Variants in FAM241A observed in about 807,000 individuals in gnomAD.
FAM241A encodes uncharacterized protein FAM241A.
FAM241A carries 7 observed loss-of-function variants against 12.2 expected under a neutral mutation model. The observed-to-expected ratio is 0.58, with a 90% CI of 0.33 to 1.08. The LOEUF is 1.08. Among genes scored for constraint, FAM241A ranks in the 50% least tolerant of loss-of-function variants. The pLI is 0.04. For missense variants in FAM241A, 161 were observed against 169.7 expected (o/e 0.95, Z 0.29); for synonymous variants, 74 against 68.2 (o/e 1.08, Z -0.42).
chr4:112,159,737 T>TA (rs1723422588), intron 1 of FAM241A, among the ~76,000 whole-genome samples: 1 of 152,082 alleles, frequency 6.6e-6, no homozygotes, highest in Non-Finnish European at 1.5e-5. Context: ...CCTTCATGAT[T>TA]AAAAAACACT....
In FAM241A at chr4:112,192,716, T is replaced by G. The variant is rs1449377291; in HGVS notation, c.*5778T>G. 5 of 151,148 alleles carry G rather than the reference T, an allele frequency of 3.3e-5. No homozygotes were observed. Among genetic ancestry groups the G allele is most frequent in the African/African-American group, 1.2e-4 (5 of 41,040 alleles). 9.4% of individuals were successfully genotyped at this position (151,148 alleles called of 1,614,324 possible). A position where few individuals can be genotyped will look rare whatever the true frequency, so the allele number is the denominator to read the frequency against. ...GCTGCATAGTATTCCATGGTGTATA[T>G]GTGCCACATTTTCTTAATCCAGTCT... On this transcript the variant is annotated 3_prime_UTR_variant, in exon 2 of 2. Coordinates refer to ENST00000309733, the MANE Select transcript of FAM241A (RefSeq NM_152400.3).
intron 1 of FAM241A, among the ~76,000 whole-genome samples, chr4:112,173,667 T>C (rs1001481392): frequency 1.3e-5 from 2 of 152,212 alleles, no homozygotes; most frequent in African/African-American, 2.4e-5. Context: ...GTCAAACTTT[T>C]ATACTGAGAG....
chr4:112,151,812 G>A (rs1723249867), intron 1 of FAM241A, among the ~76,000 whole-genome samples: 1 of 152,198 alleles, frequency 6.6e-6, no homozygotes, highest in Non-Finnish European at 1.5e-5. Flanking sequence ...GCTAACTCAT[G>A]CTAGAGCAGA....
Position 112,188,196 on chromosome 4 carries a change from AAG to A in FAM241A, c.*1259_*1260del, listed in dbSNP as rs1214444787. 2.0e-5 allele frequency: 3 copies of A among 152,164 alleles called. No individual in the cohort carries two copies. Among genetic ancestry groups the A allele is most frequent in the Non-Finnish European group, 2.9e-5 (2 of 67,976 alleles). The allele number at this position is 152,164 out of a possible 1,614,324, so 9.4% of individuals were successfully genotyped here. On this transcript the variant is annotated 3_prime_UTR_variant, in exon 2 of 2. Coordinates refer to ENST00000309733, the MANE Select transcript of FAM241A (RefSeq NM_152400.3). ...CTTTCATCTCAAAGATTATAAAGGA[AAG>A]GGGGGTAGTTAAGATTTAGAATTCA...
At chr4:112,163,683 A>G (rs1723530691) in intron 1 of FAM241A, among the ~76,000 whole-genome samples, 1 of 152,240 alleles carries the variant, frequency 6.6e-6, no homozygotes, top group South Asian at 2.1e-4. Flanking sequence ...GAGGATGTGG[A>G]AAAATAGGAA....
chr4:112,151,848 A>G lies in FAM241A; in HGVS notation c.153+6115A>G, dbSNP rs144183104. On this transcript the variant is annotated intron_variant, in intron 1 of 1. Coordinates refer to ENST00000309733, the MANE Select transcript of FAM241A (RefSeq NM_152400.3). ...CTAGAACCCAGGTTTCCGAACACCAAAGCTAGTGTTTTTTGTTTGTTTGTT... is the reference window on the plus strand; with the variant it reads ...CTAGAACCCAGGTTTCCGAACACCAGAGCTAGTGTTTTTTGTTTGTTTGTT... Among the ~76,000 whole-genome samples the G allele has an allele frequency of 3.6e-3, 544 of 152,310 alleles. 3 individuals are homozygous for G. Among genetic ancestry groups the G allele is most frequent in the African/African-American group, 0.012 (489 of 41,570 alleles).
At chr4:112,153,570 T>G (rs1368950923) in intron 1 of FAM241A, among the ~76,000 whole-genome samples, 3 of 152,192 alleles carry the variant, frequency 2.0e-5, no homozygotes, top group African/African-American at 7.2e-5. Flanking sequence ...TGTAGCTTCT[T>G]TTGAGCAGAT....
Position 112,193,560 on chromosome 4 carries a change from A to C in FAM241A, c.*6622A>C, listed in dbSNP as rs945588768. On this transcript the variant is annotated 3_prime_UTR_variant, in exon 2 of 2. Transcript: ENST00000309733. ...GGAAGGGATCCAGTTTCAGCTTTCT[A>C]CATATGGCTAGCCAGTTTTCCCAGC... is the stretch of plus-strand genomic sequence containing the variant. 4.6e-5 allele frequency: 7 copies of C among 152,188 alleles called. 1 individual carries two copies. The highest frequency in any genetic ancestry group is 4.1e-4 in the South Asian group (2 of 4,830). The allele number at this position is 152,188 out of a possible 1,614,324, so 9.4% of individuals were successfully genotyped here.
At chr4:112,153,337 C>T (rs1723281379) in intron 1 of FAM241A, among the ~76,000 whole-genome samples, 1 of 152,166 alleles carries the variant, frequency 6.6e-6, no homozygotes, top group Admixed American at 6.5e-5. Flanking sequence ...ACTCAAAGTA[C>T]CATGACATCA....
intron 1 of FAM241A, among the ~76,000 whole-genome samples, chr4:112,163,081 G>T (rs1241874971): frequency 2.0e-5 from 3 of 152,150 alleles, no homozygotes; most frequent in Admixed American, 6.6e-5. Context: ...TTGAATAAAT[G>T]GTGCTGGGAA....
chr4:112,147,284 C>T (rs1723159370), intron 1 of FAM241A, among the ~76,000 whole-genome samples: 1 of 152,136 alleles, frequency 6.6e-6, no homozygotes, highest in South Asian at 2.1e-4. Context: ...AGTTCATTCT[C>T]CTGTACTCCT....
At chr4:112,172,451 A>G (rs1723743054) in intron 1 of FAM241A, among the ~76,000 whole-genome samples, 1 of 152,232 alleles carries the variant, frequency 6.6e-6, no homozygotes, top group South Asian at 2.1e-4. Flanking sequence ...ATCCTTTTAT[A>G]TAATAATACA....
intron 1 of FAM241A, among the ~76,000 whole-genome samples, chr4:112,162,310 G>A (rs1723490874): frequency 6.6e-6 from 1 of 152,078 alleles, no homozygotes; most frequent in South Asian, 2.1e-4. Flanking sequence ...TTCTGGCCAG[G>A]GCAGTCAGGC....
chr4:112,166,199 C>G (rs1219665384), intron 1 of FAM241A, among the ~76,000 whole-genome samples: 3 of 151,820 alleles, frequency 2.0e-5, no homozygotes, highest in Non-Finnish European at 2.9e-5. Context: ...CAGGTGCCCC[C>G]CACCACACCC....
intron 1 of FAM241A, among the ~76,000 whole-genome samples, chr4:112,159,322 G>A (rs1723415405): frequency 6.6e-6 from 1 of 152,050 alleles, no homozygotes; most frequent in Admixed American, 6.6e-5. Flanking sequence ...TCTATATTTT[G>A]TTGCTATTTT....
chr4:112,189,370 C>CAAAAAAAA lies in FAM241A; in HGVS notation c.*2450_*2457dup, dbSNP rs542269288. ...TGGGTAACAGAGTGAGACCCCATCTCAAAAAAAAAAAAAAAAAAAAAAAAA... is the reference window on the plus strand; with the variant it reads ...TGGGTAACAGAGTGAGACCCCATCTCAAAAAAAAAAAAAAAAAAAAAAAAAAAAAAAAA... On this transcript the variant is annotated 3_prime_UTR_variant, in exon 2 of 2. Coordinates refer to ENST00000309733, the MANE Select transcript of FAM241A (RefSeq NM_152400.3). 5 of 78,446 alleles carry CAAAAAAAA rather than the reference C, an allele frequency of 6.4e-5. No homozygotes were observed. The highest frequency in any genetic ancestry group is 2.5e-4 in the African/African-American group (5 of 19,686). 4.9% of individuals were successfully genotyped at this position (78,446 alleles called of 1,614,324 possible).
At position 112,194,274 on chromosome 4, in the gene FAM241A, T is replaced by A. The variant is rs1364188980; in HGVS notation, c.*7336T>A. Reference sequence around the variant, plus strand: ...CTGAGACAATGGGGTTTTCTAGATATACAATCATGTCATCTGCAAACAGGG... The same window carrying A: ...CTGAGACAATGGGGTTTTCTAGATAAACAATCATGTCATCTGCAAACAGGG... On this transcript the variant is annotated 3_prime_UTR_variant, in exon 2 of 2. Coordinates refer to ENST00000309733, the MANE Select transcript of FAM241A (RefSeq NM_152400.3). The A allele has an allele frequency of 6.6e-6, 1 of 151,666 alleles. No individual in the cohort carries two copies. The highest frequency in any genetic ancestry group is 2.4e-5 in the African/African-American group (1 of 41,254). 9.4% of individuals were successfully genotyped at this position (151,666 alleles called of 1,614,324 possible).
At chr4:112,150,441 A>C (rs919860849) in intron 1 of FAM241A, among the ~76,000 whole-genome samples, 3 of 152,218 alleles carry the variant, frequency 2.0e-5, no homozygotes, top group Non-Finnish European at 4.4e-5. Context: ...TAGGTATATA[A>C]TTATCCAGTT....
chr4:112,149,287 T>C (rs1362401918), intron 1 of FAM241A, among the ~76,000 whole-genome samples: 1 of 152,184 alleles, frequency 6.6e-6, no homozygotes, highest in Non-Finnish European at 1.5e-5. Context: ...ATTACAGGTC[T>C]GAGCCTCTGT....
Sources: gnomAD v4.1 joint callset for allele counts (sites outside exome capture counted in the v4.1 genomes callset) on GRCh38, gnomAD v4.1.1 for gene constraint, MANE v1.5 for transcripts, NCBI Gene and HGNC (gene_info 2026-07-23, HGNC 2026-07-21) for gene names.